Variants in GUCY2F observed in about 807,000 individuals in gnomAD.
GUCY2F encodes retinal guanylyl cyclase 2.
In GUCY2F, 61 loss-of-function variants were observed where a neutral mutation model predicts 73.1. The observed-to-expected ratio is 0.83, with a 90% confidence interval of 0.68 to 1.03. The LOEUF is 1.03. GUCY2F is among the 50% of genes least tolerant of loss of function. The probability of loss-of-function intolerance (pLI) is 0.00; values close to 1 mark genes in which losing one functional copy is unlikely to be tolerated. For synonymous variants in GUCY2F, 331 were observed against 307.8 expected, an observed-to-expected ratio of 1.08 and a Z score of -0.79; for missense variants, 912 against 854.3, an observed-to-expected ratio of 1.07 and a Z score of -0.84.
chrX:109,446,200 C>A (rs1438776976), intron 6 of GUCY2F, among the ~76,000 whole-genome samples: 3 of 111,776 alleles, frequency 2.7e-5, no homozygotes, highest in African/African-American at 9.8e-5. Context: ...CCATACTGCC[C>A]AAGGCAATTT....
Position 109,475,696 on chromosome X carries a change from C to A in GUCY2F, c.241G>T (p.Glu81Ter). 8.3e-7 allele frequency: 1 copy of A among 1,211,326 alleles called. No individual in the cohort carries two copies. Among genetic ancestry groups the A allele is most frequent in the South Asian group, 1.8e-5 (1 of 56,903 alleles). ...LPEVAARLAI[E>*]RINRDPSFDL... The stretch of plus-strand genomic sequence containing the variant: ...AAAGATGGGTCCCGGTTGATTCGCT[C>A]AATGGCTAATCGCGCAGCAACCTCA... The change falls in exon 2 of 20, where the codon GAG becomes TAG. Residue 81 changes from glutamate (E) to a stop codon, truncating the protein, a stop_gained. Transcript: ENST00000218006. LOFTEE classifies it high-confidence loss of function.
chrX:109,414,469 A>C (rs2147263092), intron 8 of GUCY2F, among the ~76,000 whole-genome samples: 1 of 112,349 alleles, frequency 8.9e-6, no homozygotes, highest in South Asian at 3.7e-4. Flanking sequence ...AAGACTTCTG[A>C]TCCTATATTT....
chrX:109,447,023 A>G (rs1458561477), intron 6 of GUCY2F, among the ~76,000 whole-genome samples: 1 of 112,590 alleles, frequency 8.9e-6, no homozygotes, highest in Non-Finnish European at 1.9e-5. Flanking sequence ...GCACATGAAA[A>G]AATGCTCATC....
rs765010617 is a variant in GUCY2F at position 109,388,653 on chromosome X, A to G, written c.2792T>C (p.Ile931Thr). Residue 931 changes from isoleucine to threonine, a missense_variant, in exon 15 of 20, where the codon ATT becomes ACT. By Grantham distance (89) the Ile-to-Thr change is moderately conservative. Coordinates refer to ENST00000218006, the MANE Select transcript of GUCY2F (RefSeq NM_001522.3). ...TGAAGCCACCATGTAGGCATCTCCA[A>G]TGGTCTCTACCTGGGAATTAGGAAA... is the stretch of plus-strand genomic sequence containing the variant. ...GSHDVYKVET[I>T]GDAYMVASGL... is the part of the protein sequence containing the mutation. 1.2e-5 allele frequency: 14 copies of G among 1,177,574 alleles called. No individual in the cohort carries two copies. The highest frequency in any genetic ancestry group is 4.4e-5 in the Admixed American group (2 of 45,560).
At chrX:109,445,726 C>A (rs1200613615) in intron 6 of GUCY2F, among the ~76,000 whole-genome samples, 1 of 111,418 alleles carries the variant, frequency 9.0e-6, no homozygotes, top group Non-Finnish European at 1.9e-5. Context: ...GACAGGGATG[C>A]CCTCTCTCAC....
chrX:109,454,952 GA>G (rs937800592), intron 3 of GUCY2F, among the ~76,000 whole-genome samples: 8 of 110,478 alleles, frequency 7.2e-5, no homozygotes, highest in South Asian at 3.9e-4. Context: ...ACCTTCATGT[GA>G]AAAAAAAGGG....
At chrX:109,395,511 A>T in intron 11 of GUCY2F, 22 bp from the exon 12 acceptor site, 1 of 1,173,545 alleles carries the variant, frequency 8.5e-7, no homozygotes, top group Admixed American at 2.3e-5. Flanking sequence ...CGAGAAGAGA[A>T]CCGTTTACAA....
chrX:109,476,282 T>A (rs1270053921), intron 1 of GUCY2F, among the ~76,000 whole-genome samples: 1 of 111,589 alleles, frequency 9.0e-6, no homozygotes, highest in Non-Finnish European at 1.9e-5. Context: ...ATTCAATCTA[T>A]CACCAATTCC....
chrX:109,385,700 G>A (rs1026940371), intron 15 of GUCY2F, among the ~76,000 whole-genome samples: 28 of 112,176 alleles, frequency 2.5e-4, no homozygotes, highest in African/African-American at 8.1e-4. Flanking sequence ...TTCCCAAACT[G>A]TGTCTATCAA....
At chrX:109,428,564 T>C (rs1931539404) in intron 8 of GUCY2F, among the ~76,000 whole-genome samples, 1 of 112,140 alleles carries the variant, frequency 8.9e-6, no homozygotes, top group Admixed American at 9.5e-5. Flanking sequence ...ACTGAATGTG[T>C]GAGACTGGAT....
intron 2 of GUCY2F, among the ~76,000 whole-genome samples, chrX:109,468,264 C>T (rs1416705212): frequency 8.9e-6 from 1 of 112,252 alleles, no homozygotes; most frequent in Non-Finnish European, 1.9e-5. Context: ...AGATTTATTG[C>T]TGTTATTTAC....
At chrX:109,476,644 A>T (rs1178537923) in intron 1 of GUCY2F, among the ~76,000 whole-genome samples, 1 of 110,004 alleles carries the variant, frequency 9.1e-6, no homozygotes, top group Non-Finnish European at 1.9e-5. Context: ...AGGTGAATGA[A>T]GTTGCAGGAG....
intron 6 of GUCY2F, among the ~76,000 whole-genome samples, chrX:109,443,278 T>TA (rs910575898): frequency 7.2e-5 from 8 of 110,899 alleles, no homozygotes; most frequent in African/African-American, 1.3e-4. Context: ...GCCAAAATAG[T>TA]AAAAAAAATA....
At chrX:109,469,838 C>T (rs774409360) in intron 2 of GUCY2F, among the ~76,000 whole-genome samples, 1 of 111,538 alleles carries the variant, frequency 9.0e-6, no homozygotes, top group Non-Finnish European at 1.9e-5. Flanking sequence ...GTTTCCCAGG[C>T]CCCATCCCCA....
chrX:109,458,634 A>T (rs1422456654), intron 3 of GUCY2F, among the ~76,000 whole-genome samples: 1 of 111,002 alleles, frequency 9.0e-6, no homozygotes, highest in African/African-American at 3.3e-5. Context: ...TGAAATGGAA[A>T]AACTGTTCTC....
intron 2 of GUCY2F, among the ~76,000 whole-genome samples, chrX:109,472,629 T>G (rs1303900775): frequency 1.8e-5 from 2 of 112,395 alleles, no homozygotes; most frequent in Non-Finnish European, 3.8e-5. Context: ...GATGGTGTGT[T>G]GCAGTCTTCC....
In GUCY2F at chrX:109,453,560, C is replaced by T. The variant is rs778023123; in HGVS notation, c.1332G>A (p.Arg444=). The change falls in exon 4 of 20, where the codon AGG becomes AGA. Residue 444 remains arginine, a synonymous_variant. Coordinates refer to ENST00000218006, the MANE Select transcript of GUCY2F (RefSeq NM_001522.3). ...GGTPIHFPGG[R]PPRADAKCWF... ...AGCATTTTGCATCTGCTCTAGGGGG[C>T]CTGCCACCAGGGAAGTGAATAGGGG... is the stretch of plus-strand genomic sequence containing the variant. 2.5e-6 allele frequency: 3 copies of T among 1,209,571 alleles called. No individual in the cohort carries two copies. The highest frequency in any genetic ancestry group is 1.8e-5 in the South Asian group (1 of 56,834).
chrX:109,427,000 A>G (rs932237052), intron 8 of GUCY2F, among the ~76,000 whole-genome samples: 1 of 112,030 alleles, frequency 8.9e-6, no homozygotes, highest in African/African-American at 3.2e-5. Flanking sequence ...AGAGAATGGC[A>G]TTAGCCTCAA....
At chrX:109,422,766 G>A (rs1029754950) in intron 8 of GUCY2F, among the ~76,000 whole-genome samples, 5 of 111,455 alleles carry the variant, frequency 4.5e-5, no homozygotes, top group African/African-American at 1.6e-4. Context: ...ATTTCTAGGA[G>A]AAATTCTCAA....
Sources: gnomAD v4.1 joint callset for allele counts (sites outside exome capture counted in the v4.1 genomes callset) on GRCh38, gnomAD v4.1.1 for gene constraint, MANE v1.5 for transcripts, NCBI Gene and HGNC (gene_info 2026-07-23, HGNC 2026-07-21) for gene names.